The following HSPG2 variants were observed in gnomAD, a reference collection of about 807,000 sequenced individuals.
HSPG2 encodes the protein basement membrane-specific heparan sulfate proteoglycan core protein.
HSPG2 carries 278 observed loss-of-function variants against 526.6 expected under a neutral mutation model. The ratio of observed to expected loss-of-function variants is 0.53; its 90% confidence interval spans 0.48 to 0.58. The LOEUF is 0.58. Ranked by LOEUF, HSPG2 falls within the 20% of genes least tolerant of loss-of-function variation. The probability of loss-of-function intolerance (pLI) is 0.00; values close to 1 mark genes in which losing one functional copy is unlikely to be tolerated. For synonymous variants in HSPG2, 2,465 were observed against 2,555.4 expected (o/e 0.96, Z 1.07); for missense variants, 5,354 against 6,099.5 (o/e 0.88, Z 4.07).
rs1557717153 is a variant in HSPG2, at chr1:21,851,942, C to CAG, written c.6871-18_6871-17dup. The CAG allele has an allele frequency of 3.1e-6, 5 of 1,603,252 alleles. No homozygotes were observed. The highest frequency in any genetic ancestry group is 4.3e-6 in the Non-Finnish European group (5 of 1,175,372). On this transcript the variant is annotated splice_polypyrimidine_tract_variant and intron_variant, in intron 53 of 96. Coordinates refer to ENST00000374695, the MANE Select transcript of HSPG2 (RefSeq NM_005529.7). The stretch of plus-strand genomic sequence containing the variant: ...AGCCACGAACCTGGGCAGCCGTGGG[C>CAG]AGAGGTGTGAGGGGGGCTTCCCGGA...
intron 6 of HSPG2, among the ~76,000 whole-genome samples, chr1:21,888,942 T>C (rs1642151434): frequency 6.6e-6 from 1 of 152,204 alleles, no homozygotes; most frequent in Non-Finnish European, 1.5e-5. Context: ...TGTCTTGTTT[T>C]AGAGGCAGGG....
At chr1:21,829,954 C>T in intron 86 of HSPG2, 39 bp downstream of exon 86, 2 of 1,527,460 alleles carry the variant, frequency 1.3e-6, no homozygotes, top group Non-Finnish European at 1.8e-6. Context: ...CCCCAGCTGA[C>T]ACTAGGACCC....
In HSPG2 at chr1:21,851,831, C is replaced by T. The variant is rs565594406; in HGVS notation, c.6966G>A (p.Thr2322=). 15 of 1,613,644 alleles carry T rather than the reference C, an allele frequency of 9.3e-6. No homozygotes were observed. In the Middle Eastern group the frequency reaches 4.9e-4, roughly 53 times the overall value. ...RASNGMEASI[T]VTVTGTQGAN... ...CCCCCTGGGTCCCAGTTACTGTGAC[C>T]GTGATGGAGGCCTCCATGCCGTTGC... The change falls in exon 54 of 97, where the codon ACG becomes ACA. Residue 2322 remains threonine (T), a synonymous_variant. Transcript: ENST00000374695.
Position 21,844,247 on chromosome 1 carries a change from T to G in HSPG2, c.8517A>C (p.Ala2839=), listed in dbSNP as rs1024072814. 1.1e-5 allele frequency: 17 copies of G among 1,613,636 alleles called. No homozygotes were observed. Among genetic ancestry groups the G allele is most frequent in the South Asian group, 2.2e-5 (2 of 91,086 alleles). ...ACTTCAGATCCAGGGTCTGCCCTTCTGCCACTCGGGAGGAGGAGGGCTCGA... is the reference window on the plus strand; with the variant it reads ...ACTTCAGATCCAGGGTCTGCCCTTCGGCCACTCGGGAGGAGGAGGGCTCGA... ...IRIEPSSSRV[A]EGQTLDLKCV... Residue 2839 remains alanine (A), a synonymous_variant, in exon 65 of 97, where the codon GCA becomes GCC. Transcript: ENST00000374695.
At chr1:21,830,685 C>T (rs1291261315) in intron 85 of HSPG2, 8 of 301,526 alleles carry the variant, frequency 2.7e-5, no homozygotes, top group African/African-American at 7.9e-5. Flanking sequence ...AGCGAAACTT[C>T]GTCTCAAAAA....
intron 91 of HSPG2, among the ~76,000 whole-genome samples, chr1:21,827,060 T>C (rs2097978975): frequency 6.6e-6 from 1 of 151,782 alleles, no homozygotes; most frequent in Non-Finnish European, 1.5e-5. Flanking sequence ...ATACAAAAAT[T>C]AGCGGGGTGT....
At position 21,872,561 on chromosome 1, in the gene HSPG2, G is replaced by T; in HGVS notation, c.4029+59C>A. 1 of 1,547,998 alleles carries T rather than the reference G, an allele frequency of 6.5e-7. No individual in the cohort carries two copies. The highest frequency in any genetic ancestry group is 1.2e-5 in the South Asian group (1 of 84,110). On this transcript the variant is annotated intron_variant, in intron 32 of 96. Transcript: ENST00000374695. This position sits in a 1 kb window ranked among gnomAD's most constrained non-coding sequence, Gnocchi z 5.5. Reference sequence around the variant, plus strand: ...GGGTCGCTGGGCTCAGTGCTCAGATGGACAGTAACAGGCAGCAGGTGGCAA... The same window carrying T: ...GGGTCGCTGGGCTCAGTGCTCAGATTGACAGTAACAGGCAGCAGGTGGCAA...
chr1:21,868,195 C>T (rs1427330130), intron 33 of HSPG2, among the ~76,000 whole-genome samples: 7 of 151,634 alleles, frequency 4.6e-5, no homozygotes, highest in African/African-American at 7.3e-5. Flanking sequence ...CCCGCCACCA[C>T]GCCCAGCTAA....
chr1:21,923,257 A>C (rs1644092938), intron 1 of HSPG2, among the ~76,000 whole-genome samples: 1 of 152,070 alleles, frequency 6.6e-6, no homozygotes, highest in South Asian at 2.1e-4. Flanking sequence ...AAATACAAAA[A>C]TTAGCTGGGC....
Position 21,887,826 on chromosome 1 carries a change from T to A in HSPG2, c.703+112A>T. 1 of 1,504,046 alleles carries A rather than the reference T, an allele frequency of 6.6e-7. No individual in the cohort carries two copies. Among genetic ancestry groups the A allele is most frequent in the Non-Finnish European group, 9.0e-7 (1 of 1,105,502 alleles). The allele number at this position is 1,504,046 out of a possible 1,614,324, so 93.2% of individuals were successfully genotyped here. On this transcript the variant is annotated intron_variant, in intron 7 of 96. Coordinates refer to ENST00000374695, the MANE Select transcript of HSPG2 (RefSeq NM_005529.7). The surrounding 1 kb of genome is among the most constrained non-coding windows in gnomAD (Gnocchi z 5.0). ...TGTCATCACCCTTCCTATGCCCCCA[T>A]CCTCTGCCTGCACCAAACCCTCATA... is the stretch of plus-strand genomic sequence containing the variant.
Position 21,846,028 on chromosome 1 carries a change from T to G in HSPG2, c.8464+80A>C. 2.0e-6 allele frequency: 3 copies of G among 1,522,432 alleles called. No homozygotes were observed. The South Asian group carries it at 3.4e-5, about 17-fold the overall frequency. The allele number at this position is 1,522,432 out of a possible 1,614,324, so 94.3% of individuals were successfully genotyped here. A position where few individuals can be genotyped will look rare whatever the true frequency, so the allele number is the denominator to read the frequency against. On this transcript the variant is annotated intron_variant, in intron 64 of 96. Coordinates refer to ENST00000374695, the MANE Select transcript of HSPG2 (RefSeq NM_005529.7). ...TTCTCGCCGAGTGCCAGAAAGTGTT[T>G]CCTTCTGCCAGTTCTGCCCCCTGGT...
intron 25 of HSPG2, 121 bp from the exon 26 acceptor site, chr1:21,875,123 C>A (rs1640949068): frequency 3.9e-6 from 3 of 767,818 alleles, no homozygotes; most frequent in Non-Finnish European, 6.7e-6. Flanking sequence ...GCTGCTGGGG[C>A]CCTGTCCAGA....
At chr1:21,870,759 C>A (rs934026416) in intron 33 of HSPG2, 2 of 876,680 alleles carry the variant, frequency 2.3e-6, no homozygotes, top group African/African-American at 1.8e-5. Context: ...CATCTCCCCA[C>A]GCAGGGCTGG....
At chr1:21,930,788 G>T (rs79480536) in intron 1 of HSPG2, among the ~76,000 whole-genome samples, 1 of 151,014 alleles carries the variant, frequency 6.6e-6, no homozygotes, top group East Asian at 1.9e-4. Flanking sequence ...AAAAAAAAAA[G>T]ATCTAGAACA....
In HSPG2 at chr1:21,850,511, G is replaced by T. The variant is rs371929137; in HGVS notation, c.7159-13C>A. On this transcript the variant is annotated splice_polypyrimidine_tract_variant and intron_variant, in intron 55 of 96. Coordinates refer to ENST00000374695, the MANE Select transcript of HSPG2 (RefSeq NM_005529.7). ...GGGAGCCGTGGGTCTGGCCAGAATG[G>T]GGGTGAGTCAGAGGGAGCCCTCAGG... 26 of 1,600,888 alleles carry T rather than the reference G, an allele frequency of 1.6e-5. No homozygotes were observed. Among genetic ancestry groups the T allele is most frequent in the Middle Eastern group, 1.7e-4 (1 of 5,972 alleles).
At chr1:21,832,898 C>T in intron 80 of HSPG2, 1 of 569,976 alleles carries the variant, frequency 1.8e-6, no homozygotes, top group South Asian at 2.1e-5. Flanking sequence ...GAGGCCTGGA[C>T]AGTGAAAGTC....
rs1642687550 is a variant in HSPG2 at position 21,895,561 on chromosome 1, T to C, written c.244+361A>G. On this transcript the variant is annotated intron_variant, in intron 3 of 96. Coordinates refer to ENST00000374695, the MANE Select transcript of HSPG2 (RefSeq NM_005529.7). This position sits in a 1 kb window ranked among gnomAD's most constrained non-coding sequence, Gnocchi z 4.1. The stretch of plus-strand genomic sequence containing the variant: ...TCTTTGCCTGGGATCCCCAGCTCTG[T>C]GCCCCCAGGAGGGCTCTGGGGAAGG... Among the ~76,000 whole-genome samples, 2 of 152,296 alleles carry C rather than the reference T, an allele frequency of 1.3e-5. No individual in the cohort carries two copies. Among genetic ancestry groups the C allele is most frequent in the Non-Finnish European group, 2.9e-5 (2 of 67,992 alleles).
intron 75 of HSPG2, among the ~76,000 whole-genome samples, chr1:21,835,899 G>A (rs780440659): frequency 2.0e-5 from 3 of 149,046 alleles, no homozygotes; most frequent in Admixed American, 6.8e-5. Context: ...CACGAGAAAC[G>A]CTTGAACCCG....
At chr1:21,901,615 A>T (rs942726801) in intron 1 of HSPG2, among the ~76,000 whole-genome samples, 1 of 151,806 alleles carries the variant, frequency 6.6e-6, no homozygotes, top group Admixed American at 6.6e-5. Flanking sequence ...AGTCCACCCC[A>T]CCCTCCTTGT....
Sources: allele counts gnomAD v4.1 joint callset (sites outside exome capture counted in the v4.1 genomes callset), GRCh38; gene constraint gnomAD v4.1.1; non-coding constraint Gnocchi (gnomAD v3.1); transcripts MANE v1.5; gene names NCBI Gene and HGNC (gene_info 2026-07-23, HGNC 2026-07-21).